SLC11A1: variants seen among roughly 807,000 people sequenced by gnomAD.
SLC11A1 encodes natural resistance-associated macrophage protein 1.
Under a neutral mutation model 63.2 loss-of-function variants are expected in SLC11A1, and 59 were observed. The ratio of observed to expected loss-of-function variants is 0.93; its 90% CI spans 0.76 to 1.16. SLC11A1 has a LOEUF of 1.16. SLC11A1 is among the 50% of genes most tolerant of loss of function. The probability of loss-of-function intolerance (pLI) is 0.00; values close to 1 mark genes in which losing one functional copy is unlikely to be tolerated. For missense variants in SLC11A1, 688 were observed against 730.7 expected (o/e 0.94, Z 0.67); for synonymous variants, 305 against 307.8 (o/e 0.99, Z 0.09).
intron 4 of SLC11A1, 39 bp from the exon 5 acceptor site, chr2:218,386,596 C>A: frequency 1.4e-6 from 2 of 1,444,630 alleles, no homozygotes; most frequent in Non-Finnish European, 1.9e-6. Context: ...AGGCAAATAA[C>A]CGGCCCACCC....
At position 218,383,268 on chromosome 2, in the gene SLC11A1, G is replaced by T. The variant is rs915976929; in HGVS notation, c.150+166G>T. On this transcript the variant is annotated intron_variant, in intron 2 of 14. Coordinates refer to ENST00000233202, the MANE Select transcript of SLC11A1 (RefSeq NM_000578.4). ...CTGCCCCTTCCTGCTTCCGTCCCCA[G>T]TGCTTAGCTGGGGTGCTTCAGTATT... is the stretch of plus-strand genomic sequence containing the variant. The T allele has an allele frequency of 1.2e-5, 8 of 675,792 alleles. 1 individual carries two copies. The South Asian group carries it at 1.5e-4, about 13-fold the overall frequency. The allele number at this position is 675,792 out of a possible 1,614,324, so 41.9% of individuals were successfully genotyped here.
chr2:218,392,880 C>A, intron 11 of SLC11A1, 101 bp from the exon 12 acceptor site: 5 of 954,092 alleles, frequency 5.2e-6, no homozygotes, highest in Non-Finnish European at 7.5e-6. Flanking sequence ...AAAAACAGAG[C>A]ATGCCCCCAG....
rs750137556 is a variant in SLC11A1, at chr2:218,394,778, C to T, written c.1535C>T (p.Thr512Ile). The T allele has an allele frequency of 1.7e-5, 28 of 1,612,522 alleles. No homozygotes were observed. The South Asian group carries it at 3.1e-4, about 18-fold the overall frequency. ...GCCGCAGCCTACCTGGGCCTCAGCA[C>T]CTACCTGGTACAGTAGGGCCAGGGG... is the stretch of plus-strand genomic sequence containing the variant. ...LLAAAYLGLS[T>I]YLVWTCCLAH... Residue 512 changes from threonine (T) to isoleucine (I), a missense_variant, in exon 14 of 15, where the codon ACC becomes ATC. Coordinates refer to ENST00000233202, the MANE Select transcript of SLC11A1 (RefSeq NM_000578.4).
Position 218,383,062 on chromosome 2 carries a change from C to A in SLC11A1, c.110C>A (p.Thr37Asn). ...CCACAGCAAGCACCTCCCAGAGAGA[C>A]CTACCTGAGTGAGAAGATCCCCATC... ...PGPQQAPPRE[T>N]YLSEKIPIPD... Residue 37 changes from threonine (T) to asparagine (N), a missense_variant, in exon 2 of 15, where the codon ACC becomes AAC. Coordinates refer to ENST00000233202, the MANE Select transcript of SLC11A1 (RefSeq NM_000578.4). The A allele has an allele frequency of 6.2e-7, 1 of 1,614,016 alleles. No individual in the cohort carries two copies. Among genetic ancestry groups the A allele is most frequent in the Non-Finnish European group, 8.5e-7 (1 of 1,179,952 alleles).
chr2:218,386,395 T>C lies in SLC11A1; in HGVS notation c.394-240T>C, dbSNP rs112569728. Among the ~76,000 whole-genome samples, 705 of 150,352 alleles carry C rather than the reference T, an allele frequency of 4.7e-3. 16 individuals carry two copies. Among genetic ancestry groups the C allele is most frequent in the African/African-American group, 0.017 (678 of 40,728 alleles). On this transcript the variant is annotated intron_variant, in intron 4 of 14. Transcript: ENST00000233202. ...TGAACACGGGAGGCGGAGATTGTGG[T>C]GAGCCGAGATCATGCCATTGCACTC... is the stretch of plus-strand genomic sequence containing the variant.
At position 218,396,463 on chromosome 2, in the gene SLC11A1, CCCCCGATTT is replaced by C. The variant is rs933325894; in HGVS notation, c.*1431_*1439del. 5.2e-5 allele frequency: 8 copies of C among 152,558 alleles called. No homozygotes were observed. Among genetic ancestry groups the C allele is most frequent in the Admixed American group, 5.2e-4 (8 of 15,310 alleles). 9.5% of individuals were successfully genotyped at this position (152,558 alleles called of 1,614,324 possible). On this transcript the variant is annotated 3_prime_UTR_variant, in exon 15 of 15. Transcript: ENST00000233202. The stretch of plus-strand genomic sequence containing the variant: ...GGGCCGGGTGTTGCACCTGGAAGAA[CCCCCGATTT>C]CCTGGGGACCCAGCAGGGCAGGCGG...
Position 218,394,655 on chromosome 2 carries a change from C to T in SLC11A1, c.1412C>T (p.Ser471Phe), listed in dbSNP as rs759505458. ...AGGCTGAACAAGGTCGTCACCTCTT[C>T]CATCATGGTGCTAGTCTGCGCCATC... ...NGLLNKVVTS[S>F]IMVLVCAINL... Residue 471 changes from serine to phenylalanine, a missense_variant, in exon 14 of 15, where the codon TCC (serine) becomes TTC (phenylalanine). Transcript: ENST00000233202. 2.5e-6 allele frequency: 4 copies of T among 1,613,890 alleles called. No homozygotes were observed. The highest frequency in any genetic ancestry group is 1.7e-5 in the Admixed American group (1 of 60,014).
At chr2:218,391,066 C>G (rs80215207) in intron 9 of SLC11A1, 132 bp from the exon 10 acceptor site, 127 of 719,246 alleles carry the variant, frequency 1.8e-4, no homozygotes, top group African/African-American at 1.4e-3. Flanking sequence ...TTTTGTTAGC[C>G]AAACAAAATA....
intron 4 of SLC11A1, among the ~76,000 whole-genome samples, 177 bp from the exon 5 acceptor site, chr2:218,386,458 A>G (rs1218519667): frequency 6.6e-6 from 1 of 151,732 alleles, no homozygotes; most frequent in East Asian, 1.9e-4. Context: ...ATTTCGAAAA[A>G]AAAAAAAAAA....
chr2:218,393,205 C>T (rs1030150823), intron 12 of SLC11A1, 75 bp downstream of exon 12: 6 of 1,361,850 alleles, frequency 4.4e-6, no homozygotes, highest in Non-Finnish European at 3.8e-6. Context: ...CACGCTGAGC[C>T]TTGCATGGGC....
In SLC11A1 at chr2:218,393,041, A is replaced by T; in HGVS notation, c.1225A>T (p.Ile409Phe). 6.3e-7 allele frequency: 1 copy of T among 1,599,976 alleles called. No homozygotes were observed. ...ARVLLTRSCA[I>F]LPTVLVAVFR... Reference sequence around the variant, plus strand: ...TGTCCTCCTCACCCGCTCCTGCGCCATCCTGCCCACCGTGCTCGTGGCTGT... The same window carrying T: ...TGTCCTCCTCACCCGCTCCTGCGCCTTCCTGCCCACCGTGCTCGTGGCTGT... The change falls in exon 12 of 15, where the codon ATC (isoleucine) becomes TTC (phenylalanine). Residue 409 changes from isoleucine (I) to phenylalanine (F), a missense_variant. Transcript: ENST00000233202.
intron 4 of SLC11A1, chr2:218,385,636 C>T (rs952681582): frequency 1.9e-5 from 7 of 367,078 alleles, no homozygotes; most frequent in Admixed American, 3.5e-5. Context: ...GATGATCCAC[C>T]CACCTCAGTC....
rs1695898209 is a variant in SLC11A1, at chr2:218,383,195, G to A, written c.150+93G>A. The stretch of plus-strand genomic sequence containing the variant: ...AGAATGGGGTCTCCTTATGATCATG[G>A]GTGGCAAGTCCCTTCCAGGTCTGAG... On this transcript the variant is annotated intron_variant, in intron 2 of 14. Coordinates refer to ENST00000233202, the MANE Select transcript of SLC11A1 (RefSeq NM_000578.4). 2.1e-6 allele frequency: 3 copies of A among 1,431,722 alleles called. No individual in the cohort carries two copies. In the African/African-American group the frequency reaches 4.2e-5, roughly 20 times the overall value. The allele number at this position is 1,431,722 out of a possible 1,614,324, so 88.7% of individuals were successfully genotyped here. A position where few individuals can be genotyped will look rare whatever the true frequency, so the allele number is the denominator to read the frequency against.
At chr2:218,385,410 A>C in intron 4 of SLC11A1, 144 bp downstream of exon 4, 1 of 1,267,706 alleles carries the variant, frequency 7.9e-7, no homozygotes. Flanking sequence ...TTTGTTTTTC[A>C]GTCGGAGTCT....
intron 4 of SLC11A1, among the ~76,000 whole-genome samples, 200 bp from the exon 5 acceptor site, chr2:218,386,435 A>C (rs970795912): frequency 6.6e-6 from 1 of 150,840 alleles, no homozygotes; most frequent in Non-Finnish European, 1.5e-5. Context: ...CTGGGCAACA[A>C]GAGCAAAACT....
chr2:218,385,454 G>T, intron 4 of SLC11A1, 188 bp downstream of exon 4: 1 of 721,374 alleles, frequency 1.4e-6, no homozygotes, highest in Non-Finnish European at 2.4e-6. Context: ...GCAATGGTGC[G>T]ATGTCAGCTC....
chr2:218,389,045 G>C (rs1258949334), intron 8 of SLC11A1, among the ~76,000 whole-genome samples: 1 of 151,964 alleles, frequency 6.6e-6, no homozygotes. Flanking sequence ...TGGAGGTCGA[G>C]GCTGCAGTGA....
chr2:218,391,250 T>A lies in SLC11A1; in HGVS notation c.1007T>A (p.Met336Lys). The change falls in exon 10 of 15, where the codon ATG (methionine) becomes AAG (lysine). Residue 336 changes from methionine to lysine, a missense_variant. By Grantham distance (95) the Met-to-Lys change is moderately conservative. Transcript: ENST00000233202. ...SLHDYAKIFP[M>K]NNATVAVDIY... is the part of the protein sequence containing the mutation. ...CACGACTACGCCAAGATCTTCCCCATGAACAACGCCACCGTGGCCGTGGAC... is the reference window on the plus strand; with the variant it reads ...CACGACTACGCCAAGATCTTCCCCAAGAACAACGCCACCGTGGCCGTGGAC... The A allele has an allele frequency of 6.6e-7, 1 of 1,520,916 alleles. No individual in the cohort carries two copies. Among genetic ancestry groups the A allele is most frequent in the Non-Finnish European group, 8.9e-7 (1 of 1,128,108 alleles). 94.2% of individuals were successfully genotyped at this position (1,520,916 alleles called of 1,614,324 possible). A position where few individuals can be genotyped will look rare whatever the true frequency, so the allele number is the denominator to read the frequency against.
chr2:218,386,011 C>T (rs1228989146), intron 4 of SLC11A1, among the ~76,000 whole-genome samples: 1 of 152,182 alleles, frequency 6.6e-6, no homozygotes, highest in Non-Finnish European at 1.5e-5. Context: ...GATCAGAAAG[C>T]TGCTACACCT....
Sources: allele counts gnomAD v4.1 joint callset (sites outside exome capture counted in the v4.1 genomes callset), GRCh38; gene constraint gnomAD v4.1.1; transcripts MANE v1.5; gene names NCBI Gene and HGNC (gene_info 2026-07-23, HGNC 2026-07-21).